KNL1: variants seen among roughly 807,000 people sequenced by gnomAD.
The protein encoded by KNL1 is kinetochore scaffold 1.
Under a neutral mutation model 201.3 loss-of-function variants are expected in KNL1, and 66 were observed. That is an observed-to-expected ratio of 0.33 (90% confidence interval 0.27 to 0.40). The LOEUF is 0.40. Among genes scored for constraint, KNL1 ranks in the 10% least tolerant of loss-of-function variants. The pLI is 1.00. For missense variants in KNL1, 2,815 were observed against 2,690.5 expected (o/e 1.05, Z -1.02); for synonymous variants, 895 against 899.2 (o/e 1.00, Z 0.08).
chr15:40,647,141 G>C, intron 17 of KNL1, 67 bp downstream of exon 17: 1 of 795,228 alleles, frequency 1.3e-6, no homozygotes, highest in Non-Finnish European at 2.2e-6. Flanking sequence ...CTACAGTAGA[G>C]AATGTTGGTA....
At chr15:40,596,767 G>A (rs1406441378) in intron 1 of KNL1, among the ~76,000 whole-genome samples, 1 of 151,680 alleles carries the variant, frequency 6.6e-6, no homozygotes, top group East Asian at 2.0e-4. Flanking sequence ...TTGGGAGGCC[G>A]AGGCAGGCAG....
chr15:40,612,285 C>T (rs1047351800), intron 7 of KNL1, among the ~76,000 whole-genome samples: 6 of 151,972 alleles, frequency 3.9e-5, no homozygotes, highest in Admixed American at 2.6e-4. Context: ...CACTGCACTC[C>T]AGCCTGGGCG....
Position 40,620,740 on chromosome 15 carries a change from T to C in KNL1, c.476T>C (p.Val159Ala). Reference protein sequence around the residue: ...NQMDLTSSHTVMITKGLLDNP... With the variant: ...NQMDLTSSHTAMITKGLLDNP... Reference sequence around the variant, plus strand: ...ATGGACCTGACATCAAGTCACACTGTAATGATTACCAAAGGCCTTTTAGAT... The same window carrying C: ...ATGGACCTGACATCAAGTCACACTGCAATGATTACCAAAGGCCTTTTAGAT... The change falls in exon 10 of 26, where the codon GTA (valine) becomes GCA (alanine). Residue 159 changes from valine (V) to alanine (A), a missense_variant. Physicochemically the swap from Val to Ala is moderately conservative, Grantham distance 64 (BLOSUM62 0). Transcript: ENST00000399668. The C allele has an allele frequency of 6.2e-7, 1 of 1,612,840 alleles. No homozygotes were observed. The highest frequency in any genetic ancestry group is 8.5e-7 in the Non-Finnish European group (1 of 1,179,336).
intron 4 of KNL1, among the ~76,000 whole-genome samples, chr15:40,608,280 C>G (rs1892039642): frequency 6.6e-6 from 1 of 151,798 alleles, no homozygotes; most frequent in Non-Finnish European, 1.5e-5. Context: ...TTGAGACCAG[C>G]CTAGTCAACA....
At chr15:40,648,546 A>G (rs981547263) in intron 17 of KNL1, among the ~76,000 whole-genome samples, 3 of 152,202 alleles carry the variant, frequency 2.0e-5, no homozygotes, top group South Asian at 2.1e-4. Flanking sequence ...TAAAAGCTCA[A>G]TACTTTCATT....
chr15:40,621,011 C>T lies in KNL1; in HGVS notation c.747C>T (p.Asn249=), dbSNP rs1219526990. ...FEIPIYSKEP[N]SASSTHQMHV... is the part of the protein sequence containing the mutation. The stretch of plus-strand genomic sequence containing the variant: ...TACCTATTTATTCCAAGGAACCGAA[C>T]AGTGCCTCTTCTACACATCAAATGC... The change falls in exon 10 of 26, where the codon AAC becomes AAT. Residue 249 remains asparagine, a synonymous_variant. Transcript: ENST00000399668. 5 of 1,605,674 alleles carry T rather than the reference C, an allele frequency of 3.1e-6. No individual in the cohort carries two copies. Among genetic ancestry groups the T allele is most frequent in the Non-Finnish European group, 4.2e-6 (5 of 1,176,968 alleles).
At chr15:40,633,838 C>T (rs1892982007) in intron 13 of KNL1, among the ~76,000 whole-genome samples, 1 of 152,094 alleles carries the variant, frequency 6.6e-6, no homozygotes, top group African/African-American at 2.4e-5. Context: ...ATGCCCAGCC[C>T]TTATCGTTAT....
Position 40,621,642 on chromosome 15 carries a change from G to T in KNL1, c.1378G>T (p.Ala460Ser), listed in dbSNP as rs2412541. 0.81 allele frequency: 1,302,869 copies of T among 1,610,978 alleles called. 536,825 individuals are homozygous for T. The highest frequency in any genetic ancestry group is 0.85 in the Non-Finnish European group (996,807 of 1,178,174). The part of the protein sequence containing the change: ...KNLLKHDSNY[A>S]KMYCNPDAMS... Reference sequence around the variant, plus strand: ...TTTGCTAAAGCATGACAGTAATTATGCTAAAATGTATTGCAATCCAGATGC... The same window carrying T: ...TTTGCTAAAGCATGACAGTAATTATTCTAAAATGTATTGCAATCCAGATGC... The change falls in exon 10 of 26, where the codon GCT becomes TCT. Residue 460 changes from alanine (A) to serine (S), a missense_variant. Around this residue, in one of 3 missense-constraint regions of KNL1, gnomAD observed 2,464 missense variants for 2,291.7 expected, o/e 1.08. Transcript: ENST00000399668.
chr15:40,642,181 C>T (rs1001700044), intron 14 of KNL1, among the ~76,000 whole-genome samples: 2 of 152,110 alleles, frequency 1.3e-5, no homozygotes, highest in Non-Finnish European at 2.9e-5. Flanking sequence ...AGGTGGATCA[C>T]GAGGTCAGGA....
chr15:40,623,149 T>C lies in KNL1; in HGVS notation c.2885T>C (p.Ile962Thr). 2 of 1,613,812 alleles carry C rather than the reference T, an allele frequency of 1.2e-6. No individual in the cohort carries two copies. Among genetic ancestry groups the C allele is most frequent in the East Asian group, 2.2e-5 (1 of 44,882 alleles). ...LEMTESHTVFIDYQEKERTDR... is the reference protein window; with the variant it reads ...LEMTESHTVFTDYQEKERTDR... Reference sequence around the variant, plus strand: ...ATGACAGAGTCCCATACTGTTTTCATTGACTACCAAGAAAAGGAAAGAACA... The same window carrying C: ...ATGACAGAGTCCCATACTGTTTTCACTGACTACCAAGAAAAGGAAAGAACA... The change falls in exon 10 of 26, where the codon ATT becomes ACT. Residue 962 changes from isoleucine to threonine, a missense_variant. Coordinates refer to ENST00000399668, the MANE Select transcript of KNL1 (RefSeq NM_144508.5).
chr15:40,598,323 C>A (rs991792939), intron 1 of KNL1, among the ~76,000 whole-genome samples: 13 of 152,056 alleles, frequency 8.5e-5, no homozygotes, highest in Admixed American at 8.5e-4. Context: ...GTAATCCCAA[C>A]ACTTTGGGAG....
At chr15:40,601,112 A>G (rs189764119) in intron 1 of KNL1, among the ~76,000 whole-genome samples, 8 of 152,352 alleles carry the variant, frequency 5.3e-5, no homozygotes, top group Non-Finnish European at 1.0e-4. Flanking sequence ...GCAGCCCAGC[A>G]TTAGCGGCCT....
At position 40,655,383 on chromosome 15, in the gene KNL1, G is replaced by C. The variant is rs563588219; in HGVS notation, c.6484+406G>C. 3.3e-5 allele frequency among the ~76,000 whole-genome samples: 5 copies of C among 152,114 alleles called. No homozygotes were observed. The South Asian group carries it at 1.0e-3, about 32-fold the overall frequency. On this transcript the variant is annotated intron_variant, in intron 22 of 25. Coordinates refer to ENST00000399668, the MANE Select transcript of KNL1 (RefSeq NM_144508.5). ...CCGAGGAAGGCAGATCACAAGGTCA[G>C]AGGCTCGAGACCAGCCTGGCCAACA...
Position 40,659,243 on chromosome 15 carries a change from G to A in KNL1, c.6714-96G>A, listed in dbSNP as rs1282240552. Reference sequence around the variant, plus strand: ...TTGTGCACTGCACTCCAGCCTGGGCGATAGAGCAAGACTCCGTCTCAAAAA... The same window carrying A: ...TTGTGCACTGCACTCCAGCCTGGGCAATAGAGCAAGACTCCGTCTCAAAAA... On this transcript the variant is annotated intron_variant, in intron 24 of 25. Transcript: ENST00000399668. The A allele has an allele frequency of 1.0e-5, 11 of 1,094,638 alleles. No individual in the cohort carries two copies. The African/African-American group carries it at 1.3e-4, about 13-fold the overall frequency. The allele number at this position is 1,094,638 out of a possible 1,614,324, so 67.8% of individuals were successfully genotyped here.
chr15:40,629,360 C>G lies in KNL1; in HGVS notation c.5671C>G (p.Leu1891Val). ...GATACAGAAACCCCGACAGAGCAAT[C>G]TCCCAGGCAATGTAAGTGCAGTTTC... ...ILIQKPRQSN[L>V]PGNFTVNTPP... is the part of the protein sequence containing the mutation. The change falls in exon 13 of 26, where the codon CTC (leucine) becomes GTC (valine). Residue 1891 changes from leucine to valine, a missense_variant. Physicochemically the swap from Leu to Val is conservative, Grantham distance 32. Transcript: ENST00000399668. 1 of 1,599,660 alleles carries G rather than the reference C, an allele frequency of 6.3e-7. No individual in the cohort carries two copies. The highest frequency in any genetic ancestry group is 8.5e-7 in the Non-Finnish European group (1 of 1,175,750).
intron 24 of KNL1, among the ~76,000 whole-genome samples, chr15:40,657,705 G>C (rs79125272): frequency 6.6e-6 from 1 of 152,130 alleles, no homozygotes; most frequent in Admixed American, 6.6e-5. Context: ...TGTTGACATG[G>C]TGTCTTTCAT....
intron 2 of KNL1, among the ~76,000 whole-genome samples, chr15:40,603,596 C>CA (rs1243646495): frequency 6.6e-6 from 1 of 152,216 alleles, no homozygotes; most frequent in Non-Finnish European, 1.5e-5. Flanking sequence ...CCCGCCCCCC[C>CA]ATCTCTACAA....
chr15:40,663,508 C>G lies in KNL1; in HGVS notation c.*1320C>G. 5.3e-6 allele frequency: 1 copy of G among 189,608 alleles called. No homozygotes were observed. The highest frequency in any genetic ancestry group is 8.5e-5 in the East Asian group (1 of 11,794). 11.7% of individuals were successfully genotyped at this position (189,608 alleles called of 1,614,324 possible). A position where few individuals can be genotyped will look rare whatever the true frequency, so the allele number is the denominator to read the frequency against. The stretch of plus-strand genomic sequence containing the variant: ...TTGAGGTATATAGATACTCATCTGT[C>G]TAGGCAGTTCCCAATTTTCTGAAGA... On this transcript the variant is annotated 3_prime_UTR_variant, in exon 26 of 26. Transcript: ENST00000399668.
In KNL1 at chr15:40,625,001, A is replaced by G. The variant is rs372558055; in HGVS notation, c.4737A>G (p.Leu1579=). 6.2e-6 allele frequency: 10 copies of G among 1,613,890 alleles called. No homozygotes were observed. The highest frequency in any genetic ancestry group is 4.0e-5 in the African/African-American group (3 of 74,914). The change falls in exon 10 of 26, where the codon CTA becomes CTG. Residue 1579 remains leucine, a synonymous_variant. Coordinates refer to ENST00000399668, the MANE Select transcript of KNL1 (RefSeq NM_144508.5). Reference sequence around the variant, plus strand: ...TTTTAGCCTTTCAAACTGTTCATCTACCACCCCTTCCAGAGCAATTACTTG... The same window carrying G: ...TTTTAGCCTTTCAAACTGTTCATCTGCCACCCCTTCCAGAGCAATTACTTG... ...GEFLAFQTVH[L]PPLPEQLLEL...
Sources: gnomAD v4.1 joint callset for allele counts (sites outside exome capture counted in the v4.1 genomes callset) on GRCh38, gnomAD v4.1.1 for gene constraint, gnomAD v4.1.1 regional missense constraint, MANE v1.5 for transcripts, NCBI Gene and HGNC (gene_info 2026-07-23, HGNC 2026-07-21) for gene names.